Variants in KAT6A observed in about 807,000 individuals in gnomAD.
KAT6A encodes lysine acetyltransferase 6A.
A neutral mutation model predicts 198.4 loss-of-function variants in KAT6A; 9 were observed. The ratio of observed to expected loss-of-function variants is 0.05; its 90% CI spans 0.03 to 0.08. The LOEUF (loss-of-function observed/expected upper bound fraction) is 0.08. Among genes scored for constraint, KAT6A ranks in the 10% least tolerant of loss-of-function variants. KAT6A has a pLI of 1.00. For synonymous variants in KAT6A, 890 were observed against 883.0 expected, an observed-to-expected ratio of 1.01 and a Z score of -0.14; for missense variants, 2,077 against 2,509.9, an observed-to-expected ratio of 0.83 and a Z score of 3.69.
In KAT6A at chr8:42,051,979, G is replaced by C; in HGVS notation, c.-404C>G. 6.6e-6 allele frequency: 1 copy of C among 151,864 alleles called. No homozygotes were observed. Among genetic ancestry groups the C allele is most frequent in the Admixed American group, 6.6e-5 (1 of 15,248 alleles). The allele number at this position is 151,864 out of a possible 1,614,324, so 9.4% of individuals were successfully genotyped here. A position where few individuals can be genotyped will look rare whatever the true frequency, so the allele number is the denominator to read the frequency against. On this transcript the variant is annotated 5_prime_UTR_variant, in exon 1 of 17. Coordinates refer to ENST00000265713, the MANE Select transcript of KAT6A (RefSeq NM_006766.5). ...CCCAAACTGACACGGCCGCCATCTT[G>C]GAGACAGTGAGCTCCAGCCGGGGGG...
At chr8:42,036,768 C>G (rs947736229) in intron 2 of KAT6A, among the ~76,000 whole-genome samples, 5 of 152,146 alleles carry the variant, frequency 3.3e-5, no homozygotes, top group African/African-American at 9.7e-5. Context: ...TTTCTCGCAA[C>G]TATATACCAC....
intron 2 of KAT6A, among the ~76,000 whole-genome samples, chr8:42,000,675 T>A (rs989987114): frequency 3.3e-5 from 5 of 152,194 alleles, no homozygotes; most frequent in African/African-American, 7.2e-5. Context: ...GGCCAAAGGT[T>A]TAAGAACACG....
intron 9 of KAT6A, 38 bp downstream of exon 9, chr8:41,955,258 A>AACAGAAGGTCAAGGGTC: frequency 8.1e-7 from 1 of 1,231,434 alleles, no homozygotes; most frequent in Non-Finnish European, 1.2e-6. Context: ...ACTTCTATGG[A>AACAGAAGGTCAAGGGTC]TCTCAAAACA....
chr8:41,978,499 C>A (rs926499529), intron 6 of KAT6A, 143 bp downstream of exon 6: 2 of 794,364 alleles, frequency 2.5e-6, no homozygotes, highest in Non-Finnish European at 4.0e-6. Context: ...TTATTAAGGG[C>A]TGAATAAGTG....
At chr8:41,957,351 C>T (rs767174279) in intron 8 of KAT6A, 2 of 532,318 alleles carry the variant, frequency 3.8e-6, no homozygotes, top group Non-Finnish European at 7.6e-6. Context: ...ATTTAGAAAT[C>T]AGCAAGGCTC....
chr8:41,944,218 T>C (rs1182120776), intron 12 of KAT6A, among the ~76,000 whole-genome samples: 1 of 152,192 alleles, frequency 6.6e-6, no homozygotes, highest in Non-Finnish European at 1.5e-5. Flanking sequence ...TTAATATCAA[T>C]CACCTTGTTA....
intron 2 of KAT6A, among the ~76,000 whole-genome samples, chr8:42,016,324 T>C (rs1826270328): frequency 6.6e-6 from 1 of 152,246 alleles, no homozygotes; most frequent in African/African-American, 2.4e-5. Flanking sequence ...TTCTTACTGT[T>C]TTAAAATTAC....
Position 41,933,181 on chromosome 8 carries a change from TGCG to T in KAT6A, c.5036_5038del (p.Pro1679del). Reference sequence around the variant, plus strand: ...CTGGGGCTGAGGCTGCGGCTGCTGTTGCGGCTGCTGCTGGGGTGGTGGAGGCTG... The same window carrying T: ...CTGGGGCTGAGGCTGCGGCTGCTGTTGCTGCTGCTGGGGTGGTGGAGGCTG... On this transcript the variant is annotated inframe_deletion, in exon 17 of 17. Transcript: ENST00000265713. The surrounding 1 kb of genome is among the most constrained non-coding windows in gnomAD (Gnocchi z 6.2). 1.3e-6 allele frequency: 2 copies of T among 1,589,994 alleles called. No homozygotes were observed.
At chr8:41,962,578 A>T (rs1325036850) in intron 8 of KAT6A, among the ~76,000 whole-genome samples, 7 of 151,804 alleles carry the variant, frequency 4.6e-5, no homozygotes, top group Non-Finnish European at 8.8e-5. Flanking sequence ...AGAGTTTCCC[A>T]AAGTTCTCCC....
At chr8:42,039,433 A>G (rs1480650074) in intron 2 of KAT6A, among the ~76,000 whole-genome samples, 2 of 152,228 alleles carry the variant, frequency 1.3e-5, no homozygotes, top group Admixed American at 6.5e-5. Flanking sequence ...TGACAAAGAT[A>G]TTTTCTCCAA....
At position 41,969,109 on chromosome 8, in the gene KAT6A, C is replaced by T. The variant is rs555978999; in HGVS notation, c.1482+5595G>A. Among the ~76,000 whole-genome samples, 3 of 152,256 alleles carry T rather than the reference C, an allele frequency of 2.0e-5. No individual in the cohort carries two copies. In the East Asian group the frequency reaches 5.8e-4, roughly 29 times the overall value. ...CCGTACCATAGTTTCTAGAACATAG[C>T]AGGCACTCAATAAACAATGTGTTAT... On this transcript the variant is annotated intron_variant, in intron 8 of 16. Coordinates refer to ENST00000265713, the MANE Select transcript of KAT6A (RefSeq NM_006766.5).
intron 2 of KAT6A, among the ~76,000 whole-genome samples, chr8:42,009,401 A>C (rs1047947265): frequency 6.6e-6 from 1 of 151,454 alleles, no homozygotes; most frequent in African/African-American, 2.4e-5. Context: ...AACCATATAC[A>C]GCACCACTGT....
intron 15 of KAT6A, 84 bp downstream of exon 15, chr8:41,940,758 T>G (rs1770708781): frequency 2.0e-6 from 3 of 1,486,798 alleles, no homozygotes; most frequent in Non-Finnish European, 2.7e-6. Flanking sequence ...TAACTTATAC[T>G]CTTTCAGAAC....
rs1802461959 is a variant in KAT6A, at chr8:42,049,021, T to C, written c.-44A>G. 2 of 1,560,202 alleles carry C rather than the reference T, an allele frequency of 1.3e-6. No individual in the cohort carries two copies. The highest frequency in any genetic ancestry group is 1.7e-6 in the Non-Finnish European group (2 of 1,157,148). ...TCCATAGAGTCGTTATCCCTTATCC[T>C]GATGCTGAGTAAGTTTTACACCATG... On this transcript the variant is annotated 5_prime_UTR_variant, in exon 2 of 17. Transcript: ENST00000265713.
intron 2 of KAT6A, among the ~76,000 whole-genome samples, chr8:42,043,937 A>G (rs1296893551): frequency 6.6e-6 from 1 of 152,110 alleles, no homozygotes; most frequent in Non-Finnish European, 1.5e-5. Flanking sequence ...TAACTAACCT[A>G]ACAGTAGCTA....
At chr8:42,021,276 A>G (rs1826520253) in intron 2 of KAT6A, among the ~76,000 whole-genome samples, 1 of 152,126 alleles carries the variant, frequency 6.6e-6, no homozygotes, top group Admixed American at 6.5e-5. Context: ...TTAAAATGTG[A>G]TGGCAATATT....
At position 42,048,696 on chromosome 8, in the gene KAT6A, T is replaced by A; in HGVS notation, c.282A>T (p.Lys94Asn). The change falls in exon 2 of 17, where the codon AAA becomes AAT. Residue 94 changes from lysine to asparagine, a missense_variant. This residue lies in a region of KAT6A where 185 missense variants were observed against 185.7 expected (regional missense o/e 1.00). Coordinates refer to ENST00000265713, the MANE Select transcript of KAT6A (RefSeq NM_006766.5). ...TCAGTTTATTCCAATCCACATTTTGTTTATTATCCAATTTTCCATGGTTCC... is the reference window on the plus strand; with the variant it reads ...TCAGTTTATTCCAATCCACATTTTGATTATTATCCAATTTTCCATGGTTCC... ...KPRNHGKLDN[K>N]QNVDWNKLIK... 1 of 1,614,252 alleles carries A rather than the reference T, an allele frequency of 6.2e-7. No homozygotes were observed.
Position 41,977,337 on chromosome 8 carries a change from T to A in KAT6A, c.1044-10A>T, listed in dbSNP as rs1338119910. On this transcript the variant is annotated splice_polypyrimidine_tract_variant and intron_variant, in intron 6 of 16. Transcript: ENST00000265713. ...GAAGGGACCTTTTGATCTAAACAAT[T>A]AAACAGGGGAAAGGGTAAGTATTAA... 3.7e-6 allele frequency: 6 copies of A among 1,600,110 alleles called. No individual in the cohort carries two copies. The Admixed American group carries it at 1.0e-4, about 27-fold the overall frequency.
At chr8:41,994,515 C>T (rs1161816497) in intron 2 of KAT6A, among the ~76,000 whole-genome samples, 1 of 151,914 alleles carries the variant, frequency 6.6e-6, no homozygotes, top group African/African-American at 2.4e-5. Flanking sequence ...GTCCCAAGAT[C>T]TTTCAGATCT....
Sources: allele counts gnomAD v4.1 joint callset (sites outside exome capture counted in the v4.1 genomes callset), GRCh38; gene constraint gnomAD v4.1.1; regional missense constraint gnomAD v4.1.1; non-coding constraint Gnocchi (gnomAD v3.1); transcripts MANE v1.5; gene names NCBI Gene and HGNC (gene_info 2026-07-23, HGNC 2026-07-21).